The following CYP3A43 variants were observed in gnomAD, a reference collection of about 807,000 sequenced individuals.
The protein encoded by CYP3A43 is cytochrome P450 family 3 subfamily A member 43, also known as cytochrome P450 3A43.
In CYP3A43, 45 loss-of-function variants were observed where a neutral mutation model predicts 58.0. The observed-to-expected ratio is 0.78, with a 90% CI of 0.61 to 0.99. CYP3A43 has a LOEUF of 0.99. CYP3A43 is among the 50% of genes least tolerant of loss of function. The pLI is 0.00. For missense variants in CYP3A43, 593 were observed against 591.9 expected, an observed-to-expected ratio of 1.00 and a Z score of -0.02; for synonymous variants, 191 against 201.4, an observed-to-expected ratio of 0.95 and a Z score of 0.44.
chr7:99,836,430 T>C lies in CYP3A43; in HGVS notation c.72-23T>C, dbSNP rs375846059. On this transcript the variant is annotated intron_variant, in intron 1 of 12. Coordinates refer to ENST00000354829, the MANE Select transcript of CYP3A43 (RefSeq NM_057095.3). ...CTATAAAGTTACAATTTCTGTAACC[T>C]GGCTTTCTCTTTTATTTTATAGTTA... 8 of 1,596,186 alleles carry C rather than the reference T, an allele frequency of 5.0e-6. No individual in the cohort carries two copies. The African/African-American group carries it at 1.1e-4, about 22-fold the overall frequency.
At chr7:99,844,861 G>A (rs1817480932) in intron 4 of CYP3A43, among the ~76,000 whole-genome samples, 2 of 152,044 alleles carry the variant, frequency 1.3e-5, no homozygotes, top group Admixed American at 1.3e-4. Flanking sequence ...ACGAGGTCAG[G>A]AGATCAAGAC....
intron 3 of CYP3A43, 154 bp downstream of exon 3, chr7:99,839,326 T>C (rs1048821464): frequency 1.5e-5 from 14 of 916,906 alleles, no homozygotes; most frequent in East Asian, 2.6e-5. Context: ...AAAAAGATGA[T>C]CTGGGAATTG....
chr7:99,849,176 G>A (rs1319057975), intron 6 of CYP3A43, among the ~76,000 whole-genome samples: 1 of 152,230 alleles, frequency 6.6e-6, no homozygotes, highest in South Asian at 2.1e-4. Context: ...GATTGGCCGA[G>A]AAAGAGTTAA....
chr7:99,836,382 GT>G, intron 1 of CYP3A43, 70 bp from the exon 2 acceptor site: 1 of 1,224,948 alleles, frequency 8.2e-7, no homozygotes, highest in African/African-American at 1.5e-5. Context: ...AGTTCCTGAG[GT>G]AATGTCTGGC....
chr7:99,829,265 CA>C (rs1237980449), intron 1 of CYP3A43, among the ~76,000 whole-genome samples: 1 of 152,142 alleles, frequency 6.6e-6, no homozygotes, highest in Non-Finnish European at 1.5e-5. Context: ...ATGCTGCCAA[CA>C]AAAAGAGCCA....
chr7:99,865,823 C>A, intron 12 of CYP3A43, 83 bp from the exon 13 acceptor site: 1 of 972,670 alleles, frequency 1.0e-6, no homozygotes, highest in Non-Finnish European at 1.5e-6. Flanking sequence ...AAGCATTACC[C>A]TTGATGTCAT....
At chr7:99,829,263 A>G (rs1408049494) in intron 1 of CYP3A43, among the ~76,000 whole-genome samples, 2 of 152,338 alleles carry the variant, frequency 1.3e-5, no homozygotes, top group East Asian at 3.9e-4. Context: ...ACATGCTGCC[A>G]ACAAAAAGAG....
chr7:99,863,791 A>G lies in CYP3A43; in HGVS notation c.1416+92A>G, dbSNP rs1818340325. On this transcript the variant is annotated intron_variant, in intron 12 of 12. Coordinates refer to ENST00000354829, the MANE Select transcript of CYP3A43 (RefSeq NM_057095.3). ...AAAAATTATTGTTCATTTTTCAATA[A>G]TTTGCTCTGTAGGACAAAGAATCTA... 2.7e-6 allele frequency: 3 copies of G among 1,111,302 alleles called. No individual in the cohort carries two copies. The South Asian group carries it at 5.7e-5, about 21-fold the overall frequency. 68.8% of individuals were successfully genotyped at this position (1,111,302 alleles called of 1,614,324 possible).
At chr7:99,864,768 CTGTT>C (rs1818382238) in intron 12 of CYP3A43, among the ~76,000 whole-genome samples, 1 of 148,456 alleles carries the variant, frequency 6.7e-6, no homozygotes, top group South Asian at 2.1e-4. Flanking sequence ...AAGTTTTAAG[CTGTT>C]TAATTTTTAA....
At chr7:99,839,007 G>T in intron 2 of CYP3A43, 113 bp from the exon 3 acceptor site, 4 of 1,226,486 alleles carry the variant, frequency 3.3e-6, no homozygotes, top group Non-Finnish European at 3.5e-6. Context: ...GCCAGTAAAT[G>T]GTAGCAAGCC....
rs77337386 is a variant in CYP3A43, at chr7:99,858,452, T to C, written c.866-1378T>C. 8.2e-4 allele frequency among the ~76,000 whole-genome samples: 125 copies of C among 152,254 alleles called. 1 individual carries two copies. In the East Asian group the frequency reaches 0.022, roughly 27 times the overall value. ...CCAATGGCTGACTGTGCTAAGCTTT[T>C]CTTGGGAGAAATATCAAGAGGGAGG... On this transcript the variant is annotated intron_variant, in intron 9 of 12. Coordinates refer to ENST00000354829, the MANE Select transcript of CYP3A43 (RefSeq NM_057095.3).
At chr7:99,862,364 TG>T (rs1309914744) in intron 11 of CYP3A43, among the ~76,000 whole-genome samples, 1 of 152,220 alleles carries the variant, frequency 6.6e-6, no homozygotes, top group East Asian at 1.9e-4. Context: ...ACTGTGAAAG[TG>T]CAGGCTGAGA....
chr7:99,862,163 C>T (rs1030467275), intron 11 of CYP3A43, among the ~76,000 whole-genome samples: 4 of 152,150 alleles, frequency 2.6e-5, no homozygotes, highest in African/African-American at 4.8e-5. Flanking sequence ...TACTATCTTA[C>T]GTTACTACAT....
intron 10 of CYP3A43, among the ~76,000 whole-genome samples, chr7:99,860,228 A>G (rs1207601181): frequency 2.0e-5 from 3 of 152,240 alleles, no homozygotes; most frequent in African/African-American, 7.2e-5. Context: ...GTTGTCTGTT[A>G]GCAACATAAC....
rs919886202 is a variant in CYP3A43, at chr7:99,841,402, CTT to C, written c.218+2233_218+2234del. On this transcript the variant is annotated intron_variant, in intron 3 of 12. Transcript: ENST00000354829. The stretch of plus-strand genomic sequence containing the variant: ...CAACTCAAAATATATTTCTTTGACA[CTT>C]TTCTTTTTTTGAGATGGAGTCTTGC... Among the ~76,000 whole-genome samples, 2 of 152,174 alleles carry C rather than the reference CTT, an allele frequency of 1.3e-5. 1 individual carries two copies. The highest frequency in any genetic ancestry group is 4.8e-5 in the African/African-American group (2 of 41,540).
At chr7:99,861,868 C>G (rs1408222633) in intron 11 of CYP3A43, 29 bp downstream of exon 11, 1 of 1,564,582 alleles carries the variant, frequency 6.4e-7, no homozygotes, top group African/African-American at 1.4e-5. Flanking sequence ...AGGAGCCTTC[C>G]CTCAACCAGC....
intron 6 of CYP3A43, 131 bp downstream of exon 6, chr7:99,848,385 T>C (rs376469708): frequency 7.1e-6 from 6 of 845,450 alleles, no homozygotes; most frequent in Non-Finnish European, 5.6e-6. Context: ...GCAACTCCAA[T>C]AGGCCACCCA....
intron 3 of CYP3A43, among the ~76,000 whole-genome samples, chr7:99,841,797 GC>G (rs767395593): frequency 3.9e-4 from 59 of 151,994 alleles, no homozygotes; most frequent in Non-Finnish European, 6.8e-4. Flanking sequence ...CAGTGATCCT[GC>G]CACCTCAGCC....
intron 7 of CYP3A43, among the ~76,000 whole-genome samples, chr7:99,851,162 TA>T (rs34048683): frequency 0.18 from 25,941 of 143,380 alleles, 4,171 homozygotes; most frequent in African/African-American, 0.44. Flanking sequence ...AGACCCCGTC[TA>T]AAAAAAAAAA....
Sources: allele counts gnomAD v4.1 joint callset (sites outside exome capture counted in the v4.1 genomes callset), GRCh38; gene constraint gnomAD v4.1.1; transcripts MANE v1.5; gene names NCBI Gene and HGNC (gene_info 2026-07-23, HGNC 2026-07-21).